SDK1: variants seen among roughly 807,000 people sequenced by gnomAD.
The protein encoded by SDK1 is sidekick cell adhesion molecule 1, also known as protein sidekick-1.
SDK1 carries 157 observed loss-of-function variants against 245.5 expected under a neutral mutation model. That is an observed-to-expected ratio of 0.64 (90% CI 0.56 to 0.73). The LOEUF is 0.73. SDK1 is among the 30% of genes least tolerant of loss of function. The pLI is 0.00. For synonymous variants in SDK1, 1,647 were observed against 1,278.5 expected (o/e 1.29, Z -6.15); for missense variants, 3,583 against 3,002.3 (o/e 1.19, Z -4.52).
chr7:4,256,066 T>C (rs1787606904), intron 44 of SDK1, among the ~76,000 whole-genome samples: 1 of 151,888 alleles, frequency 6.6e-6, no homozygotes, highest in Non-Finnish European at 1.5e-5. Flanking sequence ...ATCACAGGTG[T>C]GCGCCACCAC....
At chr7:4,132,847 T>C (rs1285614752) in intron 28 of SDK1, among the ~76,000 whole-genome samples, 5 of 152,246 alleles carry the variant, frequency 3.3e-5, no homozygotes, top group African/African-American at 1.2e-4. Context: ...TCCAGCAGCC[T>C]AGCATTTCCT....
chr7:3,464,715 T>C lies in SDK1; in HGVS notation c.299-154365T>C, dbSNP rs538877297. Among the ~76,000 whole-genome samples, 43 of 150,746 alleles carry C rather than the reference T, an allele frequency of 2.9e-4. 1 individual carries two copies. The East Asian group carries it at 2.9e-3, about 10-fold the overall frequency. Reference sequence around the variant, plus strand: ...GTATGTATGTATATATATATATATATACACACACACACATATAAAGTACTT... The same window carrying C: ...GTATGTATGTATATATATATATATACACACACACACACATATAAAGTACTT... On this transcript the variant is annotated intron_variant, in intron 1 of 44. Coordinates refer to ENST00000404826, the MANE Select transcript of SDK1 (RefSeq NM_152744.4).
At chr7:3,574,450 C>G (rs1455292827) in intron 1 of SDK1, among the ~76,000 whole-genome samples, 3 of 152,002 alleles carry the variant, frequency 2.0e-5, no homozygotes, top group South Asian at 2.1e-4. Flanking sequence ...TGTGAAGTTG[C>G]TATTCCTACT....
At chr7:4,158,425 T>C (rs995682357) in intron 30 of SDK1, 23 bp from the exon 31 acceptor site, 8 of 1,596,548 alleles carry the variant, frequency 5.0e-6, no homozygotes, top group Non-Finnish European at 6.9e-6. Flanking sequence ...GCCCCGGCAG[T>C]CACGGTCTCT....
At position 3,444,236 on chromosome 7, in the gene SDK1, G is replaced by A. The variant is rs149955458; in HGVS notation, c.298+142352G>A. ...CCTTCTTCTTTGGGTGGTCTCCCTG[G>A]CAGTGTGGTCTTACAGTATTTATGT... On this transcript the variant is annotated intron_variant, in intron 1 of 44. Transcript: ENST00000404826. Among the ~76,000 whole-genome samples, 314 of 152,152 alleles carry A rather than the reference G, an allele frequency of 2.1e-3. 1 individual carries two copies. The highest frequency in any genetic ancestry group is 7.3e-3 in the African/African-American group (301 of 41,478).
At chr7:3,794,691 G>A (rs558968442) in intron 4 of SDK1, among the ~76,000 whole-genome samples, 7 of 152,164 alleles carry the variant, frequency 4.6e-5, no homozygotes, top group East Asian at 3.9e-4. Context: ...ATAGTCCCTC[G>A]ACCTTGGACT....
At chr7:3,389,513 A>G (rs1466875839) in intron 1 of SDK1, among the ~76,000 whole-genome samples, 1 of 152,194 alleles carries the variant, frequency 6.6e-6, no homozygotes, top group African/African-American at 2.4e-5. Context: ...CTTTAGACTC[A>G]TATTTTGGAC....
chr7:4,069,143 G>A (rs916721021), intron 20 of SDK1, among the ~76,000 whole-genome samples: 1 of 152,208 alleles, frequency 6.6e-6, no homozygotes, highest in Non-Finnish European at 1.5e-5. Context: ...AGGCTGGGCA[G>A]GGCCCCCTGT....
At chr7:3,828,795 G>A (rs1205205213) in intron 5 of SDK1, among the ~76,000 whole-genome samples, 1 of 151,684 alleles carries the variant, frequency 6.6e-6, no homozygotes, top group Non-Finnish European at 1.5e-5. Flanking sequence ...GGGACTACAG[G>A]CATGAACCAC....
intron 4 of SDK1, among the ~76,000 whole-genome samples, chr7:3,802,016 T>G (rs1359633265): frequency 6.6e-6 from 1 of 152,248 alleles, no homozygotes; most frequent in Non-Finnish European, 1.5e-5. Flanking sequence ...TGTTCTCTTT[T>G]ACTTTTTAAC....
chr7:4,089,571 C>T (rs1056270965), intron 22 of SDK1, among the ~76,000 whole-genome samples: 5 of 152,208 alleles, frequency 3.3e-5, no homozygotes, highest in Non-Finnish European at 4.4e-5. Context: ...TTCCCCAGGC[C>T]TGTGTTGGTT....
At chr7:4,110,986 CCTT>C (rs1562825514) in intron 23 of SDK1, among the ~76,000 whole-genome samples, 1 of 152,150 alleles carries the variant, frequency 6.6e-6, no homozygotes, top group Non-Finnish European at 1.5e-5. Context: ...TCATGAGGCT[CCTT>C]CTATCAGTAC....
chr7:3,613,988 G>C (rs1481477783), intron 1 of SDK1, among the ~76,000 whole-genome samples: 1 of 152,194 alleles, frequency 6.6e-6, no homozygotes, highest in African/African-American at 2.4e-5. Context: ...TGGAGGATGA[G>C]AGCGGGGAGA....
At chr7:3,529,651 T>A (rs1364443489) in intron 1 of SDK1, among the ~76,000 whole-genome samples, 1 of 152,126 alleles carries the variant, frequency 6.6e-6, no homozygotes, top group Non-Finnish European at 1.5e-5. Context: ...TGGTGGTGGT[T>A]GGTTCAAGTG....
At chr7:3,936,584 C>A (rs1480897709) in intron 5 of SDK1, among the ~76,000 whole-genome samples, 39 of 139,612 alleles carry the variant, frequency 2.8e-4, no homozygotes, top group African/African-American at 3.9e-4. Context: ...GACTCCATCT[C>A]AAAAAAAAAA....
intron 5 of SDK1, among the ~76,000 whole-genome samples, chr7:3,841,771 C>T (rs977832747): frequency 6.6e-6 from 1 of 152,074 alleles, no homozygotes; most frequent in Non-Finnish European, 1.5e-5. Context: ...CTATGTTGGT[C>T]AGGCTGGTCT....
At chr7:3,858,582 G>C (rs913648194) in intron 5 of SDK1, among the ~76,000 whole-genome samples, 1 of 151,966 alleles carries the variant, frequency 6.6e-6, no homozygotes, top group African/African-American at 2.4e-5. Flanking sequence ...GTCTATGTCT[G>C]CTTTGTGTAT....
intron 22 of SDK1, among the ~76,000 whole-genome samples, chr7:4,102,951 A>C (rs1055889333): frequency 1.7e-5 from 2 of 121,146 alleles, no homozygotes; most frequent in African/African-American, 3.7e-5. Flanking sequence ...CCTTAAAAAA[A>C]GTTAAAAAAA....
At chr7:3,510,207 C>T (rs549820923) in intron 1 of SDK1, among the ~76,000 whole-genome samples, 11 of 152,308 alleles carry the variant, frequency 7.2e-5, no homozygotes, top group African/African-American at 2.2e-4. Flanking sequence ...CTGCTAGTCA[C>T]TGTGGTGTGG....
Sources: allele counts gnomAD v4.1 joint callset (sites outside exome capture counted in the v4.1 genomes callset), GRCh38; gene constraint gnomAD v4.1.1; transcripts MANE v1.5; gene names NCBI Gene and HGNC (gene_info 2026-07-23, HGNC 2026-07-21).